The following CSMD2 variants were observed in gnomAD, a reference collection of about 807,000 sequenced individuals.
CSMD2 encodes CUB and sushi domain-containing protein 2.
Under a neutral mutation model 398.5 loss-of-function variants are expected in CSMD2, and 130 were observed. The ratio of observed to expected loss-of-function variants is 0.33; its 90% CI spans 0.28 to 0.38. CSMD2 has a LOEUF of 0.38. Ranked by LOEUF, CSMD2 falls within the 10% of genes least tolerant of loss-of-function variation. The probability of loss-of-function intolerance (pLI) is 1.00; values close to 1 mark genes in which losing one functional copy is unlikely to be tolerated. For missense variants in CSMD2, 3,829 were observed against 4,764.9 expected, an observed-to-expected ratio of 0.80 and a Z score of 5.78; for synonymous variants, 1,828 against 1,908.5, an observed-to-expected ratio of 0.96 and a Z score of 1.10.
chr1:33,999,836 A>G (rs1646845275), intron 3 of CSMD2, among the ~76,000 whole-genome samples: 1 of 152,224 alleles, frequency 6.6e-6, no homozygotes, highest in Non-Finnish European at 1.5e-5. Context: ...AAAGAAGAAG[A>G]AAAGGAAATA....
At chr1:33,642,969 A>G (rs1185275641) in intron 29 of CSMD2, among the ~76,000 whole-genome samples, 1 of 152,154 alleles carries the variant, frequency 6.6e-6, no homozygotes, top group East Asian at 1.9e-4. Context: ...GCTGAGCCCA[A>G]CTGAGTCCAG....
At chr1:33,745,498 G>C (rs1364198029) in intron 13 of CSMD2, among the ~76,000 whole-genome samples, 1 of 152,136 alleles carries the variant, frequency 6.6e-6, no homozygotes, top group African/African-American at 2.4e-5. Context: ...ATGATGCTAA[G>C]ATGAAAAATA....
At chr1:33,864,504 C>T (rs1639817189) in intron 5 of CSMD2, 7 of 1,614,038 alleles carry the variant, frequency 4.3e-6, no homozygotes, top group Non-Finnish European at 5.9e-6. Context: ...ACTCTTCTGC[C>T]AAGACCACTA....
chr1:33,588,166 C>T (rs1639209079), intron 44 of CSMD2, among the ~76,000 whole-genome samples: 1 of 152,058 alleles, frequency 6.6e-6, no homozygotes, highest in Non-Finnish European at 1.5e-5. Context: ...TGTTATATAG[C>T]TTGTGTTGAT....
intron 5 of CSMD2, chr1:33,864,609 C>T (rs770021562): frequency 6.2e-7 from 1 of 1,614,016 alleles, no homozygotes; most frequent in South Asian, 1.1e-5. Flanking sequence ...CCTGGAGAAG[C>T]ACCCTTATGA....
chr1:34,069,740 C>T (rs1458765629), intron 2 of CSMD2, among the ~76,000 whole-genome samples: 2 of 152,162 alleles, frequency 1.3e-5, no homozygotes, highest in Admixed American at 6.5e-5. Flanking sequence ...AGAATACTGC[C>T]TGGTCTCAGA....
At chr1:33,855,557 T>C (rs144532708) in intron 5 of CSMD2, among the ~76,000 whole-genome samples, 5 of 152,292 alleles carry the variant, frequency 3.3e-5, no homozygotes, top group African/African-American at 9.6e-5. Flanking sequence ...CTGAACCTTG[T>C]ACATTTATCC....
intron 24 of CSMD2, among the ~76,000 whole-genome samples, chr1:33,693,585 C>G (rs901229284): frequency 4.6e-5 from 7 of 152,188 alleles, no homozygotes; most frequent in African/African-American, 1.7e-4. Context: ...CAATTCTGCT[C>G]TTAGGCATAT....
rs998220847 is a variant in CSMD2, at chr1:33,518,027, C to T, written c.*53+1438G>A. Among the ~76,000 whole-genome samples, 4 of 152,234 alleles carry T rather than the reference C, an allele frequency of 2.6e-5. No individual in the cohort carries two copies. Among genetic ancestry groups the T allele is most frequent in the African/African-American group, 9.6e-5 (4 of 41,460 alleles). On this transcript the variant is annotated intron_variant, in intron 70 of 70. Coordinates refer to ENST00000373381, the MANE Select transcript of CSMD2 (RefSeq NM_001281956.2). The surrounding 1 kb of genome is among the most constrained non-coding windows in gnomAD (Gnocchi z 4.3). ...CCACGTGAGCGGCCATGCACAGGAG[C>T]GTGGGGAGGGAGCGCAACACTAGCC...
At chr1:33,862,127 A>T (rs1445795650) in intron 5 of CSMD2, 2 of 152,220 alleles carry the variant, frequency 1.3e-5, no homozygotes, top group Non-Finnish European at 2.9e-5. Context: ...TTAGGAAGCC[A>T]GATTTATTTA....
At chr1:33,599,769 G>C in intron 44 of CSMD2, 1 of 178,330 alleles carries the variant, frequency 5.6e-6, no homozygotes, top group South Asian at 1.7e-4. Flanking sequence ...CACCCTGGAC[G>C]ATAGCTCCTG....
intron 2 of CSMD2, among the ~76,000 whole-genome samples, chr1:34,075,082 C>T (rs917623451): frequency 6.6e-6 from 1 of 152,254 alleles, no homozygotes; most frequent in African/African-American, 2.4e-5. Context: ...CCTGGCATTC[C>T]TGTTAGGCAT....
intron 62 of CSMD2, among the ~76,000 whole-genome samples, chr1:33,536,620 G>A (rs1655811577): frequency 6.6e-6 from 1 of 152,172 alleles, no homozygotes; most frequent in Admixed American, 6.5e-5. Flanking sequence ...TGTCCTGGTG[G>A]GCCAGGCATG....
At chr1:33,983,090 C>A (rs1437722445) in intron 3 of CSMD2, among the ~76,000 whole-genome samples, 1 of 152,154 alleles carries the variant, frequency 6.6e-6, no homozygotes, top group Non-Finnish European at 1.5e-5. Flanking sequence ...TTGCCAGAGC[C>A]TCCCATTGCC....
chr1:34,069,128 G>C (rs535168185), intron 2 of CSMD2, among the ~76,000 whole-genome samples: 152 of 152,216 alleles, frequency 1.0e-3, no homozygotes, highest in African/African-American at 3.4e-3. Flanking sequence ...ACCCCCCAGG[G>C]CCTCATAAAT....
At chr1:33,725,937 A>G (rs1056597640) in intron 16 of CSMD2, among the ~76,000 whole-genome samples, 1 of 152,082 alleles carries the variant, frequency 6.6e-6, no homozygotes, top group Non-Finnish European at 1.5e-5. Context: ...AAAAAAAAAA[A>G]AGGCAAAGCA....
intron 1 of CSMD2, among the ~76,000 whole-genome samples, chr1:34,105,051 C>T (rs185106610): frequency 2.0e-5 from 3 of 152,320 alleles, no homozygotes; most frequent in Admixed American, 2.0e-4. Context: ...CTTCGCTCTC[C>T]GCTACCCCCA....
At chr1:34,043,939 T>C (rs887795975) in intron 2 of CSMD2, among the ~76,000 whole-genome samples, 4 of 152,216 alleles carry the variant, frequency 2.6e-5, no homozygotes, top group African/African-American at 9.6e-5. Flanking sequence ...CACAATTAGT[T>C]GCCAGGGGTT....
chr1:33,962,348 G>C (rs1461409055), intron 3 of CSMD2, among the ~76,000 whole-genome samples: 1 of 152,040 alleles, frequency 6.6e-6, no homozygotes, highest in African/African-American at 2.4e-5. Context: ...AAAGAGTTGG[G>C]GGTTTAGGGG....
Sources: gnomAD v4.1 joint callset for allele counts (sites outside exome capture counted in the v4.1 genomes callset) on GRCh38, gnomAD v4.1.1 for gene constraint, Gnocchi (gnomAD v3.1) non-coding constraint, MANE v1.5 for transcripts, NCBI Gene and HGNC (gene_info 2026-07-23, HGNC 2026-07-21) for gene names.